The following FRMD4B variants were observed in gnomAD, a reference collection of about 807,000 sequenced individuals.
FRMD4B encodes FERM domain-containing protein 4B.
Under a neutral mutation model 141.5 loss-of-function variants are expected in FRMD4B, and 74 were observed. That is an observed-to-expected ratio of 0.52 (90% CI 0.43 to 0.63). The LOEUF (loss-of-function observed/expected upper bound fraction) is 0.63, where lower values mean the gene tolerates loss of function less well. Ranked by LOEUF, FRMD4B falls within the 30% of genes least tolerant of loss-of-function variation. The probability of loss-of-function intolerance (pLI) is 0.00; values close to 1 mark genes in which losing one functional copy is unlikely to be tolerated. For synonymous variants in FRMD4B, 506 were observed against 467.9 expected (o/e 1.08, Z -1.05); for missense variants, 1,366 against 1,253.4 (o/e 1.09, Z -1.36).
chr3:69,217,362 T>C (rs999647583), intron 10 of FRMD4B, among the ~76,000 whole-genome samples: 4 of 152,162 alleles, frequency 2.6e-5, no homozygotes, highest in Non-Finnish European at 5.9e-5. Context: ...GGTTCATGCC[T>C]GTAATCCCAG....
At chr3:69,415,081 G>T (rs1704835049) in intron 2 of FRMD4B, among the ~76,000 whole-genome samples, 2 of 151,304 alleles carry the variant, frequency 1.3e-5, no homozygotes, top group Admixed American at 6.6e-5. Context: ...GGTCAGGCTG[G>T]TGTCTAACTC....
chr3:69,355,505 T>C (rs1703288454), intron 1 of FRMD4B, among the ~76,000 whole-genome samples: 1 of 152,108 alleles, frequency 6.6e-6, no homozygotes, highest in African/African-American at 2.4e-5. Context: ...AGAGAACTAG[T>C]GGGACATTTC....
intron 1 of FRMD4B, among the ~76,000 whole-genome samples, chr3:69,321,533 A>C (rs377315784): frequency 6.6e-6 from 1 of 152,142 alleles, no homozygotes; most frequent in Non-Finnish European, 1.5e-5. Flanking sequence ...CATAATTCCA[A>C]TTGAGCCCTA....
chr3:69,204,056 C>T (rs72930255), intron 11 of FRMD4B, among the ~76,000 whole-genome samples: 1 of 151,974 alleles, frequency 6.6e-6, no homozygotes, highest in South Asian at 2.1e-4. Flanking sequence ...GAAATTTGCT[C>T]ACCGTTTCTG....
chr3:69,187,738 G>C (rs777739986), intron 19 of FRMD4B, 32 bp downstream of exon 19: 10 of 1,585,774 alleles, frequency 6.3e-6, no homozygotes, highest in Non-Finnish European at 8.6e-6. Context: ...TAGCTGTGGG[G>C]CATTAACCTT....
chr3:69,467,456 C>T (rs1187420136), intron 1 of FRMD4B, among the ~76,000 whole-genome samples: 2 of 152,112 alleles, frequency 1.3e-5, no homozygotes, highest in African/African-American at 4.8e-5. Flanking sequence ...CAGTAGAGAC[C>T]TAGGTTCAAA....
At chr3:69,201,096 G>A (rs1306235002) in intron 11 of FRMD4B, among the ~76,000 whole-genome samples, 1 of 152,216 alleles carries the variant, frequency 6.6e-6, no homozygotes, top group Admixed American at 6.5e-5. Flanking sequence ...ATTGTAACTG[G>A]GTTTGCACAA....
At chr3:69,206,844 G>A (rs1389971095) in intron 11 of FRMD4B, among the ~76,000 whole-genome samples, 2 of 76,866 alleles carry the variant, frequency 2.6e-5, no homozygotes, top group Non-Finnish European at 5.9e-5. Context: ...AATGCATTGG[G>A]CTTAATACAT....
intron 5 of FRMD4B, among the ~76,000 whole-genome samples, chr3:69,261,330 C>T (rs1254385719): frequency 6.6e-6 from 1 of 152,190 alleles, no homozygotes; most frequent in African/African-American, 2.4e-5. Context: ...TCCACGGCTT[C>T]ATTCTTTAAG....
At chr3:69,359,999 G>C (rs1703428372) in intron 1 of FRMD4B, among the ~76,000 whole-genome samples, 1 of 152,156 alleles carries the variant, frequency 6.6e-6, no homozygotes, top group Non-Finnish European at 1.5e-5. Flanking sequence ...CTTTCCATTT[G>C]GCCATTGTAG....
At chr3:69,358,815 A>G (rs1166025961) in intron 1 of FRMD4B, among the ~76,000 whole-genome samples, 1 of 152,176 alleles carries the variant, frequency 6.6e-6, no homozygotes, top group Non-Finnish European at 1.5e-5. Flanking sequence ...ATTGTCACAG[A>G]AGTAGATGAG....
chr3:69,182,548 T>C, intron 20 of FRMD4B, 50 bp downstream of exon 20: 2 of 1,543,362 alleles, frequency 1.3e-6, no homozygotes, highest in Non-Finnish European at 1.7e-6. Context: ...AGACAGAACC[T>C]CAAAGCAAAA....
Position 69,453,622 on chromosome 3 carries a change from A to C in FRMD4B, c.-128-20861T>G, listed in dbSNP as rs147925873. ...TTTAAAAAATCCCAGGAATATTCCCAGTAGAAAACCAATCTCAGCATGGCT... is the reference window on the plus strand; with the variant it reads ...TTTAAAAAATCCCAGGAATATTCCCCGTAGAAAACCAATCTCAGCATGGCT... On this transcript the variant is annotated intron_variant, in intron 1 of 5. Coordinates refer to the FRMD4B transcript ENST00000459638. Among the ~76,000 whole-genome samples, 535 of 152,338 alleles carry C rather than the reference A, an allele frequency of 3.5e-3. 6 individuals are homozygous for C. The highest frequency in any genetic ancestry group is 0.012 in the African/African-American group (500 of 41,570).
intron 1 of FRMD4B, among the ~76,000 whole-genome samples, chr3:69,441,714 T>A (rs1194381060): frequency 2.6e-5 from 4 of 152,148 alleles, no homozygotes; most frequent in Admixed American, 6.6e-5. Context: ...GATAACTGAG[T>A]GGAAAAATGA....
intron 1 of FRMD4B, among the ~76,000 whole-genome samples, chr3:69,491,456 T>C (rs575623435): frequency 1.3e-5 from 2 of 152,322 alleles, no homozygotes; most frequent in South Asian, 4.1e-4. Context: ...AATCTTCTTC[T>C]GGATAAAAGA....
intron 1 of FRMD4B, among the ~76,000 whole-genome samples, chr3:69,447,545 A>G (rs1705427712): frequency 6.6e-6 from 1 of 152,210 alleles, no homozygotes; most frequent in Non-Finnish European, 1.5e-5. Context: ...CAAGATATGG[A>G]ATATTTCTCT....
intron 1 of FRMD4B, among the ~76,000 whole-genome samples, chr3:69,522,766 C>T (rs933812351): frequency 6.6e-6 from 1 of 152,130 alleles, no homozygotes; most frequent in Non-Finnish European, 1.5e-5. Context: ...CCAACACCTC[C>T]CATGACAGAA....
At chr3:69,249,168 C>A in intron 7 of FRMD4B, 58 bp downstream of exon 7, 1 of 1,064,006 alleles carries the variant, frequency 9.4e-7, no homozygotes. Context: ...AAAATAACCA[C>A]ATAAAATGAT....
intron 5 of FRMD4B, among the ~76,000 whole-genome samples, chr3:69,251,290 T>C (rs1405057261): frequency 1.3e-5 from 2 of 152,160 alleles, no homozygotes; most frequent in African/African-American, 2.4e-5. Context: ...GAATCTGAGC[T>C]GGAGTGTTTC....
Sources: gnomAD v4.1 joint callset for allele counts (sites outside exome capture counted in the v4.1 genomes callset) on GRCh38, gnomAD v4.1.1 for gene constraint, MANE v1.5 for transcripts, NCBI Gene and HGNC (gene_info 2026-07-23, HGNC 2026-07-21) for gene names.